The following HCN1 variants were observed in gnomAD, a reference collection of about 807,000 sequenced individuals.
HCN1 encodes the protein hyperpolarization activated cyclic nucleotide gated potassium channel 1, also known as potassium/sodium hyperpolarization-activated cyclic nucleotide-gated channel 1.
HCN1 carries 13 observed loss-of-function variants against 78.9 expected under a neutral mutation model. That is an observed-to-expected ratio of 0.16 (90% CI 0.11 to 0.26). The LOEUF (loss-of-function observed/expected upper bound fraction) is 0.26, where lower values mean the gene tolerates loss of function less well. Ranked by LOEUF, HCN1 falls within the 10% of genes least tolerant of loss-of-function variation. The pLI is 1.00. For synonymous variants in HCN1, 552 were observed against 455.5 expected, an observed-to-expected ratio of 1.21 and a Z score of -2.70; for missense variants, 810 against 1,154.3, an observed-to-expected ratio of 0.70 and a Z score of 4.32.
At chr5:45,269,689 C>T (rs757155769) in intron 6 of HCN1, among the ~76,000 whole-genome samples, 1 of 152,108 alleles carries the variant, frequency 6.6e-6, no homozygotes, top group Non-Finnish European at 1.5e-5. Context: ...GCTTTATGAA[C>T]GAACCACTGA....
intron 4 of HCN1, among the ~76,000 whole-genome samples, chr5:45,390,163 T>G (rs761098630): frequency 6.6e-6 from 1 of 152,172 alleles, no homozygotes; most frequent in Non-Finnish European, 1.5e-5. Context: ...GCCTGCTGAT[T>G]ACCTCTTCAT....
At chr5:45,683,859 C>T (rs554832712) in intron 1 of HCN1, among the ~76,000 whole-genome samples, 2 of 151,942 alleles carry the variant, frequency 1.3e-5, no homozygotes, top group East Asian at 1.9e-4. Flanking sequence ...TTTGTAGAGA[C>T]GGGGTCTCGC....
At chr5:45,400,394 CTTTTTTTT>C (rs541820226) in intron 3 of HCN1, among the ~76,000 whole-genome samples, 1 of 113,018 alleles carries the variant, frequency 8.8e-6, no homozygotes, top group African/African-American at 3.6e-5. Context: ...ATTAAAAATG[CTTTTTTTT>C]TTTTTTTTTT....
In HCN1 at chr5:45,600,403, T is replaced by A. The variant is rs140088864; in HGVS notation, c.849+44782A>T. ...TCTTAAAATCCTAATATGTTCCCAG[T>A]ATTTAATAATGGAAACATTGTAGAG... On this transcript the variant is annotated intron_variant, in intron 2 of 7. Coordinates refer to ENST00000303230, the MANE Select transcript of HCN1 (RefSeq NM_021072.4). Among the ~76,000 whole-genome samples the A allele has an allele frequency of 1.7e-3, 259 of 152,304 alleles. 1 individual carries two copies. Among genetic ancestry groups the A allele is most frequent in the African/African-American group, 6.0e-3 (250 of 41,576 alleles).
At chr5:45,349,559 C>A (rs148722188) in intron 5 of HCN1, among the ~76,000 whole-genome samples, 1 of 151,892 alleles carries the variant, frequency 6.6e-6, no homozygotes, top group Non-Finnish European at 1.5e-5. Context: ...CACAAAAAAC[C>A]CTTCAAAAAA....
At chr5:45,373,521 A>G (rs997306171) in intron 4 of HCN1, among the ~76,000 whole-genome samples, 1 of 141,504 alleles carries the variant, frequency 7.1e-6, no homozygotes, top group African/African-American at 2.6e-5. Context: ...TCTATAATAT[A>G]TATTACATAC....
intron 1 of HCN1, among the ~76,000 whole-genome samples, chr5:45,689,672 T>C (rs2112100791): frequency 6.6e-6 from 1 of 152,218 alleles, no homozygotes; most frequent in Middle Eastern, 3.4e-3. Flanking sequence ...AGAGCTGGAA[T>C]GAGTGGCATG....
chr5:45,279,849 T>A (rs1270711976), intron 6 of HCN1, among the ~76,000 whole-genome samples: 1 of 152,152 alleles, frequency 6.6e-6, no homozygotes, highest in Non-Finnish European at 1.5e-5. Flanking sequence ...AGTAATTTCT[T>A]AAAATTATCA....
chr5:45,569,772 TTTAA>T (rs1743786545), intron 2 of HCN1, among the ~76,000 whole-genome samples: 1 of 152,010 alleles, frequency 6.6e-6, no homozygotes, highest in Non-Finnish European at 1.5e-5. Context: ...TAAGTACAAT[TTTAA>T]TTAATCTATA....
At chr5:45,695,564 C>A (rs974183866) in intron 1 of HCN1, 105 bp downstream of exon 1, 40 of 1,181,702 alleles carry the variant, frequency 3.4e-5, no homozygotes, top group Non-Finnish European at 4.7e-5. Flanking sequence ...AGCGCCACCC[C>A]CCGCCCGCCC....
chr5:45,612,147 T>G (rs2111980193), intron 2 of HCN1, among the ~76,000 whole-genome samples: 1 of 152,164 alleles, frequency 6.6e-6, no homozygotes, highest in East Asian at 1.9e-4. Context: ...TTTCTGGAGT[T>G]TCTATGTTAT....
intron 3 of HCN1, among the ~76,000 whole-genome samples, chr5:45,431,595 T>G (rs183176203): frequency 6.6e-6 from 1 of 152,358 alleles, no homozygotes; most frequent in East Asian, 1.9e-4. Context: ...TAATCCATCA[T>G]GAGTTGATTT....
intron 1 of HCN1, among the ~76,000 whole-genome samples, chr5:45,647,093 T>C (rs1745563853): frequency 6.6e-6 from 1 of 152,118 alleles, no homozygotes; most frequent in Non-Finnish European, 1.5e-5. Flanking sequence ...AGGCCCTATC[T>C]CCCCTGTCTC....
intron 2 of HCN1, among the ~76,000 whole-genome samples, chr5:45,635,711 A>G (rs1745344383): frequency 6.6e-6 from 1 of 152,150 alleles, no homozygotes; most frequent in Non-Finnish European, 1.5e-5. Context: ...TCTAAATTGC[A>G]CACATCAGCA....
At chr5:45,412,285 CA>C (rs1430233819) in intron 3 of HCN1, among the ~76,000 whole-genome samples, 2 of 152,074 alleles carry the variant, frequency 1.3e-5, no homozygotes, top group African/African-American at 2.4e-5. Flanking sequence ...TAAAGGTTAA[CA>C]AAGTCATCTG....
intron 2 of HCN1, among the ~76,000 whole-genome samples, chr5:45,556,354 G>T (rs1353994687): frequency 6.6e-6 from 1 of 151,912 alleles, no homozygotes; most frequent in African/African-American, 2.4e-5. Context: ...TAAAAAGTGA[G>T]AACCTATGAT....
chr5:45,487,893 C>G (rs537822124), intron 2 of HCN1, among the ~76,000 whole-genome samples: 1 of 151,876 alleles, frequency 6.6e-6, no homozygotes, highest in Admixed American at 6.6e-5. Context: ...AGAAGGGTTT[C>G]GATCTAAAAA....
At chr5:45,307,367 C>T (rs1745757643) in intron 5 of HCN1, among the ~76,000 whole-genome samples, 1 of 152,014 alleles carries the variant, frequency 6.6e-6, no homozygotes, top group South Asian at 2.1e-4. Flanking sequence ...ATGGGGACTT[C>T]CTTCAAAGAA....
intron 2 of HCN1, among the ~76,000 whole-genome samples, chr5:45,491,553 C>A (rs1303691572): frequency 6.6e-6 from 1 of 152,200 alleles, no homozygotes; most frequent in East Asian, 1.9e-4. Flanking sequence ...ATAAATTGCT[C>A]AACCTCTTTG....
Sources: allele counts gnomAD v4.1 joint callset (sites outside exome capture counted in the v4.1 genomes callset), GRCh38; gene constraint gnomAD v4.1.1; transcripts MANE v1.5; gene names NCBI Gene and HGNC (gene_info 2026-07-23, HGNC 2026-07-21).